Variants in RAB38 observed in about 807,000 individuals in gnomAD.
The protein encoded by RAB38 is RAB38, member RAS oncogene family, also known as ras-related protein Rab-38.
Under a neutral mutation model 18.4 loss-of-function variants are expected in RAB38, and 15 were observed. That is an observed-to-expected ratio of 0.82 (90% CI 0.55 to 1.26). The LOEUF (loss-of-function observed/expected upper bound fraction) is 1.26, where lower values mean the gene tolerates loss of function less well. Ranked by LOEUF, RAB38 falls within the 50% of genes most tolerant of loss-of-function variation. RAB38 has a pLI of 0.00. For synonymous variants in RAB38, 101 were observed against 104.4 expected (o/e 0.97, Z 0.20); for missense variants, 294 against 267.4 (o/e 1.10, Z -0.69).
intron 2 of RAB38, among the ~76,000 whole-genome samples, chr11:88,118,759 A>G (rs1942591076): frequency 6.6e-6 from 1 of 152,226 alleles, no homozygotes; most frequent in Non-Finnish European, 1.5e-5. Flanking sequence ...ACCACTGCTC[A>G]GAATCTTTCA....
the RAB38 span, among the ~76,000 whole-genome samples, chr11:87,936,593 T>C: frequency 6.6e-6 from 1 of 152,078 alleles, no homozygotes; most frequent in Non-Finnish European, 1.5e-5. Context: ...AAAGCAAGTT[T>C]TGAAATTTGG....
the RAB38 span, among the ~76,000 whole-genome samples, chr11:87,836,011 T>C: frequency 6.6e-6 from 1 of 152,202 alleles, no homozygotes; most frequent in South Asian, 2.1e-4. Context: ...CCTATACTTT[T>C]TCTTCAACAA....
the RAB38 span, among the ~76,000 whole-genome samples, chr11:87,970,479 C>T: frequency 1.3e-5 from 2 of 152,020 alleles, no homozygotes; most frequent in Non-Finnish European, 2.9e-5. Context: ...TTTGTTCTCT[C>T]TTACGTTTTG....
intron 1 of RAB38, 135 bp from the exon 2 acceptor site, chr11:88,150,090 G>A (rs530305670): frequency 3.1e-5 from 28 of 914,672 alleles, no homozygotes; most frequent in African/African-American, 6.7e-5. Context: ...TTTAAAGAGC[G>A]AACTAAATAT....
the RAB38 span, among the ~76,000 whole-genome samples, chr11:87,872,507 A>G: frequency 6.6e-6 from 1 of 151,464 alleles, no homozygotes; most frequent in South Asian, 2.1e-4. Flanking sequence ...TTTACGTTCT[A>G]TGGGTTTTGA....
At chr11:88,033,149 T>G in the RAB38 span, among the ~76,000 whole-genome samples, 3 of 152,128 alleles carry the variant, frequency 2.0e-5, no homozygotes, top group East Asian at 5.8e-4. Context: ...ACACCGCATA[T>G]TCTCACTCAT....
At chr11:87,953,661 T>TATCA in the RAB38 span, among the ~76,000 whole-genome samples, 2 of 152,194 alleles carry the variant, frequency 1.3e-5, no homozygotes, top group African/African-American at 4.8e-5. Flanking sequence ...AAAAACATAC[T>TATCA]ATCATGGTCT....
At chr11:88,034,196 T>A in the RAB38 span, among the ~76,000 whole-genome samples, 1 of 152,252 alleles carries the variant, frequency 6.6e-6, no homozygotes, top group Admixed American at 6.5e-5. Flanking sequence ...TATATTTCCC[T>A]TTTAATTGCT....
chr11:88,026,010 G>A, the RAB38 span, among the ~76,000 whole-genome samples: 1 of 151,942 alleles, frequency 6.6e-6, no homozygotes, highest in Non-Finnish European at 1.5e-5. Context: ...GTGTCGCCAG[G>A]CTGGAGTGCA....
chr11:88,016,028 C>T, the RAB38 span, among the ~76,000 whole-genome samples: 1 of 152,096 alleles, frequency 6.6e-6, no homozygotes, highest in Non-Finnish European at 1.5e-5. Flanking sequence ...GTGCAATCTC[C>T]ATATAGAAAA....
the RAB38 span, among the ~76,000 whole-genome samples, chr11:87,924,417 C>A: frequency 6.6e-6 from 1 of 151,952 alleles, no homozygotes; most frequent in Non-Finnish European, 1.5e-5. Flanking sequence ...GCTGATGCAA[C>A]ATGAGGAAGT....
At chr11:88,028,613 G>A in the RAB38 span, among the ~76,000 whole-genome samples, 7 of 152,140 alleles carry the variant, frequency 4.6e-5, no homozygotes, top group Non-Finnish European at 4.4e-5. Context: ...GCGATCAACT[G>A]GAAGAAAGGG....
the RAB38 span, among the ~76,000 whole-genome samples, chr11:87,840,773 T>C: frequency 6.6e-6 from 1 of 152,224 alleles, no homozygotes; most frequent in Non-Finnish European, 1.5e-5. Flanking sequence ...ATCTGACTTT[T>C]AGCTTTATAG....
At chr11:88,077,049 G>T in the RAB38 span, among the ~76,000 whole-genome samples, 3 of 136,912 alleles carry the variant, frequency 2.2e-5, no homozygotes, top group East Asian at 2.1e-4. Flanking sequence ...AGCAAGAAAA[G>T]AAAAAGAATA....
chr11:87,893,371 C>CATATATATATATATGTATATATATAT, the RAB38 span, among the ~76,000 whole-genome samples: 98 of 86,412 alleles, frequency 1.1e-3, no homozygotes, highest in Non-Finnish European at 1.5e-3. Flanking sequence ...ATATATTTTA[C>CATATATATATATATGTATATATATAT]ATATATATAT....
chr11:88,153,808 G>A (rs1349698930), intron 1 of RAB38, among the ~76,000 whole-genome samples: 2 of 152,162 alleles, frequency 1.3e-5, no homozygotes, highest in Non-Finnish European at 1.5e-5. Context: ...TCTTAAAACT[G>A]CTATTTCTTT....
intron 2 of RAB38, among the ~76,000 whole-genome samples, chr11:88,120,224 T>C (rs1294132024): frequency 6.6e-6 from 1 of 152,214 alleles, no homozygotes; most frequent in Non-Finnish European, 1.5e-5. Flanking sequence ...GCTACTGCCC[T>C]CCTTTAACAG....
chr11:87,871,023 A>G, the RAB38 span, among the ~76,000 whole-genome samples: 2 of 151,704 alleles, frequency 1.3e-5, no homozygotes, highest in Non-Finnish European at 3.0e-5. Flanking sequence ...TGTACAAACT[A>G]TTCCATTTGT....
At chr11:87,940,423 G>T in the RAB38 span, among the ~76,000 whole-genome samples, 1 of 152,054 alleles carries the variant, frequency 6.6e-6, no homozygotes, top group African/African-American at 2.4e-5. Context: ...ATTGGAAATA[G>T]GCCTTGTACA....
Sources: gnomAD v4.1 joint callset for allele counts (sites outside exome capture counted in the v4.1 genomes callset) on GRCh38, gnomAD v4.1.1 for gene constraint, MANE v1.5 for transcripts, NCBI Gene and HGNC (gene_info 2026-07-23, HGNC 2026-07-21) for gene names.